Variants in TNNI3K observed in about 807,000 individuals in gnomAD.
TNNI3K encodes the protein TNNI3 interacting kinase.
A neutral mutation model predicts 114.5 loss-of-function variants in TNNI3K; 140 were observed. The observed-to-expected ratio is 1.22, with a 90% CI of 1.07 to 1.41. TNNI3K has a LOEUF of 1.41. TNNI3K is among the 40% of genes most tolerant of loss of function. The probability of loss-of-function intolerance (pLI) is 0.00; values close to 1 mark genes in which losing one functional copy is unlikely to be tolerated. For synonymous variants in TNNI3K, 347 were observed against 347.5 expected (o/e 1.00, Z 0.02); for missense variants, 1,125 against 1,007.6 (o/e 1.12, Z -1.58).
intron 2 of TNNI3K, among the ~76,000 whole-genome samples, chr1:74,237,257 A>T (rs996868158): frequency 6.6e-6 from 1 of 152,044 alleles, no homozygotes; most frequent in Non-Finnish European, 1.5e-5. Flanking sequence ...ATGAGATACC[A>T]CTGATCTGAC....
rs185392648 is a variant in TNNI3K, at chr1:74,519,697, A to G, written c.2352-20537A>G. On this transcript the variant is annotated intron_variant, in intron 23 of 24. Coordinates refer to ENST00000326637, the MANE Select transcript of TNNI3K (RefSeq NM_015978.3). ...TAGTCTTACAAAATAACCCCACAGA[A>G]TATATCTTTAAAAGAAAATTACATT... Among the ~76,000 whole-genome samples the G allele has an allele frequency of 2.7e-4, 41 of 152,338 alleles. No individual in the cohort carries two copies. The East Asian group carries it at 5.6e-3, about 21-fold the overall frequency.
intron 23 of TNNI3K, among the ~76,000 whole-genome samples, chr1:74,530,160 G>T (rs991796379): frequency 1.1e-4 from 16 of 152,264 alleles, no homozygotes; most frequent in African/African-American, 3.6e-4. Context: ...TTACCCCAGA[G>T]GGTAGGGTCT....
At chr1:74,352,623 G>A (rs1661422616) in intron 9 of TNNI3K, among the ~76,000 whole-genome samples, 1 of 152,176 alleles carries the variant, frequency 6.6e-6, no homozygotes, top group African/African-American at 2.4e-5. Context: ...CACCCAGTTC[G>A]AGCTTCCCAG....
intron 23 of TNNI3K, among the ~76,000 whole-genome samples, chr1:74,533,142 G>A (rs1646612471): frequency 1.3e-5 from 2 of 152,194 alleles, no homozygotes; most frequent in African/African-American, 4.8e-5. Context: ...TACAAAATGG[G>A]AGAAAATTTT....
chr1:74,355,816 G>A (rs1661624439), intron 11 of TNNI3K, among the ~76,000 whole-genome samples: 1 of 151,998 alleles, frequency 6.6e-6, no homozygotes, highest in Non-Finnish European at 1.5e-5. Flanking sequence ...AAAGACAAGT[G>A]AACAGACATA....
At chr1:74,370,801 A>C (rs1662555130) in intron 17 of TNNI3K, 1 of 153,074 alleles carries the variant, frequency 6.5e-6, no homozygotes, top group Non-Finnish European at 1.5e-5. Flanking sequence ...AATTCAGCTT[A>C]ACCACAACAG....
chr1:74,442,488 C>T (rs1666420601), intron 20 of TNNI3K, among the ~76,000 whole-genome samples: 1 of 151,806 alleles, frequency 6.6e-6, no homozygotes, highest in South Asian at 2.1e-4. Flanking sequence ...TGTCTATATT[C>T]CTATAAAAAG....
chr1:74,284,191 T>C (rs1038863330), intron 5 of TNNI3K, among the ~76,000 whole-genome samples: 2 of 152,218 alleles, frequency 1.3e-5, no homozygotes, highest in African/African-American at 2.4e-5. Context: ...TTCTCAGGGA[T>C]GATTCATCCT....
chr1:74,442,659 G>A (rs991393327), intron 20 of TNNI3K, among the ~76,000 whole-genome samples: 3 of 151,844 alleles, frequency 2.0e-5, no homozygotes, highest in African/African-American at 4.8e-5. Flanking sequence ...ATATATTTTA[G>A]CATACAAACC....
At position 74,492,179 on chromosome 1, in the gene TNNI3K, C is replaced by A. The variant is rs1669113163; in HGVS notation, c.2264C>A (p.Pro755His). The A allele has an allele frequency of 1.2e-6, 2 of 1,613,282 alleles. No individual in the cohort carries two copies. Among genetic ancestry groups the A allele is most frequent in the Non-Finnish European group, 1.7e-6 (2 of 1,179,418 alleles). The change falls in exon 23 of 25, where the codon CCT becomes CAT. Residue 755 changes from proline (P) to histidine (H), a missense_variant. Transcript: ENST00000326637. Reference sequence around the variant, plus strand: ...GATTGCCTGGTGAACCGGGGAGGACCTGGCCGGAGTCATGTGGCAGCATTA... The same window carrying A: ...GATTGCCTGGTGAACCGGGGAGGACATGGCCGGAGTCATGTGGCAGCATTA... The part of the protein sequence containing the change: ...SSDCLVNRGG[P>H]GRSHVAALRS...
intron 21 of TNNI3K, among the ~76,000 whole-genome samples, chr1:74,488,493 T>G (rs996268182): frequency 6.6e-6 from 1 of 152,222 alleles, no homozygotes. Context: ...TTTTAGGATC[T>G]GACAAAAGAA....
chr1:74,478,045 G>T (rs1011035984), intron 21 of TNNI3K, among the ~76,000 whole-genome samples: 2 of 152,022 alleles, frequency 1.3e-5, no homozygotes, highest in Non-Finnish European at 2.9e-5. Context: ...TATGTTCTTT[G>T]GAATTTTTAT....
intron 17 of TNNI3K, among the ~76,000 whole-genome samples, chr1:74,384,420 G>A (rs114830966): frequency 0.01 from 1,556 of 152,224 alleles, 15 homozygotes; most frequent in Middle Eastern, 0.058. Context: ...TTGCAATGTA[G>A]CTATAGCTCA....
intron 23 of TNNI3K, among the ~76,000 whole-genome samples, chr1:74,510,226 G>A (rs1402628403): frequency 6.6e-6 from 1 of 152,116 alleles, no homozygotes; most frequent in African/African-American, 2.4e-5. Flanking sequence ...AAGATCTGAG[G>A]CCAGGTGCAG....
intron 5 of TNNI3K, among the ~76,000 whole-genome samples, chr1:74,282,028 G>A (rs1657046481): frequency 6.6e-6 from 1 of 152,034 alleles, no homozygotes. Flanking sequence ...TATTCCCTTA[G>A]CTTGCTGCTA....
intron 4 of TNNI3K, among the ~76,000 whole-genome samples, chr1:74,262,641 C>T (rs1316971646): frequency 1.3e-5 from 2 of 151,982 alleles, no homozygotes; most frequent in South Asian, 2.1e-4. Context: ...TAGATTTTCA[C>T]TTAAGAAACT....
At chr1:74,413,048 G>A (rs1323103570) in intron 17 of TNNI3K, among the ~76,000 whole-genome samples, 1 of 152,196 alleles carries the variant, frequency 6.6e-6, no homozygotes, top group Non-Finnish European at 1.5e-5. Context: ...GGTGTTATTA[G>A]TGATGTCAGG....
chr1:74,532,310 ATTAT>A (rs1446408632), intron 23 of TNNI3K, among the ~76,000 whole-genome samples: 4 of 152,136 alleles, frequency 2.6e-5, no homozygotes, highest in Non-Finnish European at 5.9e-5. Flanking sequence ...TTTTGCTCTG[ATTAT>A]AAGGGATGTT....
At chr1:74,461,193 A>C (rs1404266625) in intron 20 of TNNI3K, among the ~76,000 whole-genome samples, 1 of 152,338 alleles carries the variant, frequency 6.6e-6, no homozygotes, top group East Asian at 1.9e-4. Context: ...AAAAATAGTC[A>C]AGAGTGGCCC....
Sources: gnomAD v4.1 joint callset for allele counts (sites outside exome capture counted in the v4.1 genomes callset) on GRCh38, gnomAD v4.1.1 for gene constraint, MANE v1.5 for transcripts, NCBI Gene and HGNC (gene_info 2026-07-23, HGNC 2026-07-21) for gene names.